KAZN: variants seen among roughly 807,000 people sequenced by gnomAD.
The protein encoded by KAZN is kazrin, periplakin interacting protein.
Under a neutral mutation model 87.4 loss-of-function variants are expected in KAZN, and 40 were observed. The observed-to-expected ratio is 0.46, with a 90% CI of 0.36 to 0.60. The LOEUF (loss-of-function observed/expected upper bound fraction) is 0.60, where lower values mean the gene tolerates loss of function less well. Among genes scored for constraint, KAZN ranks in the 20% least tolerant of loss-of-function variants. The pLI is 0.00. For missense variants in KAZN, 898 were observed against 1,073.9 expected (o/e 0.84, Z 2.29); for synonymous variants, 466 against 458.3 (o/e 1.02, Z -0.22).
chr1:14,128,331 G>C (rs2101725439), intron 1 of KAZN, among the ~76,000 whole-genome samples: 1 of 32,558 alleles, frequency 3.1e-5, no homozygotes, highest in South Asian at 9.1e-4. Context: ...GTGTTAGTTT[G>C]CTAAGAGGGA....
rs1383016650 is a variant in KAZN at position 14,071,772 on chromosome 1, T to A, written c.92-108663T>A. 2.0e-5 allele frequency among the ~76,000 whole-genome samples: 3 copies of A among 152,142 alleles called. No homozygotes were observed. The East Asian group carries it at 5.8e-4, about 29-fold the overall frequency. ...GGCAGCCTTTGTGGACTCCCAGAAA[T>A]GCTTGTGGTCTCCCAGAAATACTTG... On this transcript the variant is annotated intron_variant, in intron 1 of 16. Coordinates refer to the KAZN transcript ENST00000636203.
chr1:14,584,084 T>C (rs1434838660), intron 2 of KAZN, among the ~76,000 whole-genome samples: 1 of 152,118 alleles, frequency 6.6e-6, no homozygotes, highest in Non-Finnish European at 1.5e-5. Context: ...CAGGATTCCT[T>C]CTCCTTCTGC....
At chr1:14,547,805 G>A (rs1673255013) in intron 2 of KAZN, among the ~76,000 whole-genome samples, 1 of 151,954 alleles carries the variant, frequency 6.6e-6, no homozygotes, top group Non-Finnish European at 1.5e-5. Flanking sequence ...CGACCAGGAT[G>A]GTCTCGATCT....
In KAZN at chr1:14,473,715, T is replaced by C. The variant is rs142893313; in HGVS notation, c.250-125268T>C. ...GCCTCAACCACTTCTAATCTCATTCTGTTCCACTTCCCTCACCATCTCCAC... is the reference window on the plus strand; with the variant it reads ...GCCTCAACCACTTCTAATCTCATTCCGTTCCACTTCCCTCACCATCTCCAC... On this transcript the variant is annotated intron_variant, in intron 2 of 16. Transcript: ENST00000636203. Among the ~76,000 whole-genome samples the C allele has an allele frequency of 2.8e-3, 431 of 152,050 alleles. 2 individuals carry two copies. Among genetic ancestry groups the C allele is most frequent in the Non-Finnish European group, 2.8e-3 (188 of 67,994 alleles).
chr1:14,173,912 T>G (rs2100275136), intron 1 of KAZN, among the ~76,000 whole-genome samples: 1 of 152,254 alleles, frequency 6.6e-6, no homozygotes, highest in East Asian at 1.9e-4. Context: ...GAGAGCTGCT[T>G]TTATTAGAAG....
intron 2 of KAZN, among the ~76,000 whole-genome samples, chr1:14,504,800 C>G (rs1188511692): frequency 6.6e-6 from 1 of 152,228 alleles, no homozygotes; most frequent in East Asian, 1.9e-4. Flanking sequence ...AATTTGTTCT[C>G]CCTTAATGGC....
At chr1:14,636,676 A>G (rs1309763443) in intron 1 of KAZN, among the ~76,000 whole-genome samples, 1 of 152,198 alleles carries the variant, frequency 6.6e-6, no homozygotes, top group Non-Finnish European at 1.5e-5. Context: ...AGGCCACAAA[A>G]GAAGTGAGAG....
In KAZN at chr1:15,102,936, C is replaced by T. The variant is rs539264074; in HGVS notation, c.1780-423C>T. Among the ~76,000 whole-genome samples, 9 of 152,270 alleles carry T rather than the reference C, an allele frequency of 5.9e-5. No homozygotes were observed. The South Asian group carries it at 6.2e-4, about 11-fold the overall frequency. On this transcript the variant is annotated intron_variant, in intron 11 of 14. Coordinates refer to ENST00000376030, the MANE Select transcript of KAZN (RefSeq NM_201628.3). ...CAGTCCCCAGTCTGCCAAGGAGGCACGTGTGGGAGATCACAGCAGTTACAT... is the reference window on the plus strand; with the variant it reads ...CAGTCCCCAGTCTGCCAAGGAGGCATGTGTGGGAGATCACAGCAGTTACAT...
At chr1:13,913,763 T>A (rs1639737142) in intron 1 of KAZN, among the ~76,000 whole-genome samples, 1 of 152,234 alleles carries the variant, frequency 6.6e-6, no homozygotes, top group African/African-American at 2.4e-5. Flanking sequence ...TCATAATTAC[T>A]TGGAAGCTTG....
At chr1:14,644,537 AT>A (rs1406125716) in intron 1 of KAZN, among the ~76,000 whole-genome samples, 6 of 150,990 alleles carry the variant, frequency 4.0e-5, no homozygotes, top group African/African-American at 1.2e-4. Flanking sequence ...AATTTTTTGT[AT>A]TTTTAGTAGA....
At chr1:14,391,708 T>C (rs1029161856) in intron 2 of KAZN, 1 of 152,196 alleles carries the variant, frequency 6.6e-6, no homozygotes, top group African/African-American at 2.4e-5. Context: ...TTGACACAAA[T>C]GGGCTCAGGA....
intron 2 of KAZN, among the ~76,000 whole-genome samples, chr1:14,336,418 T>C (rs775181841): frequency 9.2e-5 from 14 of 152,244 alleles, no homozygotes; most frequent in Non-Finnish European, 1.9e-4. Flanking sequence ...CGAAGGATGA[T>C]GTATGAGCAT....
chr1:14,386,528 G>A (rs1661911305), intron 2 of KAZN, among the ~76,000 whole-genome samples: 1 of 150,698 alleles, frequency 6.6e-6, no homozygotes, highest in African/African-American at 2.5e-5. Flanking sequence ...AAATCTCTCA[G>A]CATTTGCTTG....
intron 2 of KAZN, among the ~76,000 whole-genome samples, chr1:14,515,861 G>A (rs1361138585): frequency 6.6e-6 from 1 of 151,900 alleles, no homozygotes; most frequent in Non-Finnish European, 1.5e-5. Flanking sequence ...CATGCATTGG[G>A]TCCCTTGCTT....
chr1:14,039,346 C>A (rs1641703436), intron 1 of KAZN, among the ~76,000 whole-genome samples: 2 of 152,180 alleles, frequency 1.3e-5, no homozygotes, highest in Admixed American at 1.3e-4. Flanking sequence ...TCAAGGCATA[C>A]AGCAAGGACC....
intron 2 of KAZN, among the ~76,000 whole-genome samples, chr1:14,338,200 G>T (rs542913986): frequency 6.6e-6 from 1 of 151,998 alleles, no homozygotes; most frequent in African/African-American, 2.4e-5. Flanking sequence ...CAGGCTGGGC[G>T]CAATGGCTCA....
intron 2 of KAZN, among the ~76,000 whole-genome samples, chr1:15,007,926 C>T (rs369237357): frequency 2.0e-5 from 3 of 152,202 alleles, no homozygotes; most frequent in Non-Finnish European, 1.5e-5. Context: ...GGAAGGGAGC[C>T]GTGCCGTCAC....
intron 1 of KAZN, among the ~76,000 whole-genome samples, chr1:14,033,274 G>C (rs542356796): frequency 1.7e-4 from 26 of 152,296 alleles, no homozygotes; most frequent in Middle Eastern, 3.4e-3. Flanking sequence ...TAGCACTCAG[G>C]AGCCACAAGT....
intron 1 of KAZN, among the ~76,000 whole-genome samples, chr1:14,162,501 A>C (rs1208367808): frequency 1.3e-5 from 2 of 151,980 alleles, no homozygotes; most frequent in African/African-American, 2.4e-5. Flanking sequence ...CCACAGCAAA[A>C]GATTTTATAG....
Sources: allele counts gnomAD v4.1 joint callset (sites outside exome capture counted in the v4.1 genomes callset), GRCh38; gene constraint gnomAD v4.1.1; transcripts MANE v1.5; gene names NCBI Gene and HGNC (gene_info 2026-07-23, HGNC 2026-07-21).